Variants in GUCA1C observed in about 807,000 individuals in gnomAD.
The protein encoded by GUCA1C is guanylate cyclase activator 1C.
GUCA1C carries 15 observed loss-of-function variants against 16.2 expected under a neutral mutation model. The ratio of observed to expected loss-of-function variants is 0.93; its 90% CI spans 0.62 to 1.43. The LOEUF is 1.43. Among genes scored for constraint, GUCA1C ranks in the 40% most tolerant of loss-of-function variants. The probability of loss-of-function intolerance (pLI) is 0.00; values close to 1 mark genes in which losing one functional copy is unlikely to be tolerated. For synonymous variants in GUCA1C, 78 were observed against 85.4 expected, an observed-to-expected ratio of 0.91 and a Z score of 0.48; for missense variants, 275 against 244.8, an observed-to-expected ratio of 1.12 and a Z score of -0.82.
chr3:108,952,853 C>CT (rs1946908030), intron 1 of GUCA1C, among the ~76,000 whole-genome samples: 1 of 151,588 alleles, frequency 6.6e-6, no homozygotes, highest in South Asian at 2.1e-4. Flanking sequence ...CAGGTTGTTG[C>CT]TTTTTTGTCT....
chr3:108,929,444 A>C (rs13081121), intron 1 of GUCA1C, among the ~76,000 whole-genome samples: 3,863 of 152,172 alleles, frequency 0.025, 74 homozygotes, highest in Middle Eastern at 0.12. Context: ...AATTTTATAT[A>C]CTTTTCTTGT....
chr3:108,944,346 T>A (rs1946822090), intron 1 of GUCA1C, among the ~76,000 whole-genome samples: 1 of 151,752 alleles, frequency 6.6e-6, no homozygotes, highest in Non-Finnish European at 1.5e-5. Context: ...AGCTAGAGAA[T>A]CTGGGAGTGG....
intron 1 of GUCA1C, among the ~76,000 whole-genome samples, chr3:108,945,055 C>T (rs1275408634): frequency 1.3e-5 from 2 of 152,230 alleles, no homozygotes; most frequent in Non-Finnish European, 2.9e-5. Flanking sequence ...GAAGGAAGTT[C>T]CACTCTGTGC....
At chr3:108,930,412 T>C (rs1946656793) in intron 1 of GUCA1C, among the ~76,000 whole-genome samples, 1 of 152,230 alleles carries the variant, frequency 6.6e-6, no homozygotes, top group Admixed American at 6.5e-5. Context: ...CAACCAATAG[T>C]TCTGAATTGG....
intron 1 of GUCA1C, among the ~76,000 whole-genome samples, chr3:108,929,325 G>A (rs1380261055): frequency 6.6e-6 from 1 of 152,080 alleles, no homozygotes; most frequent in East Asian, 1.9e-4. Context: ...TAGGAGGTTT[G>A]TCTTTTGTTT....
intron 1 of GUCA1C, among the ~76,000 whole-genome samples, chr3:108,922,843 C>A (rs913050249): frequency 1.3e-5 from 2 of 152,130 alleles, no homozygotes; most frequent in Admixed American, 1.3e-4. Flanking sequence ...CGCCGACAGG[C>A]CCCTCCCTGT....
At chr3:108,926,095 A>G (rs560192125) in intron 1 of GUCA1C, among the ~76,000 whole-genome samples, 1 of 152,086 alleles carries the variant, frequency 6.6e-6, no homozygotes, top group South Asian at 2.1e-4. Flanking sequence ...TCAAAAAAAA[A>G]AAATTGGGGA....
intron 1 of GUCA1C, among the ~76,000 whole-genome samples, chr3:108,940,547 T>C (rs567260805): frequency 4.1e-4 from 63 of 152,350 alleles, no homozygotes; most frequent in Non-Finnish European, 8.8e-4. Flanking sequence ...TTTCATGCCA[T>C]GATTGGCAGC....
intron 3 of GUCA1C, among the ~76,000 whole-genome samples, chr3:108,914,534 G>T (rs1025771111): frequency 6.6e-6 from 1 of 152,144 alleles, no homozygotes; most frequent in South Asian, 2.1e-4. Flanking sequence ...AGTGTTCATG[G>T]ATATTATTAA....
intron 3 of GUCA1C, among the ~76,000 whole-genome samples, chr3:108,914,251 T>C (rs1201398451): frequency 6.6e-6 from 1 of 152,162 alleles, no homozygotes; most frequent in Non-Finnish European, 1.5e-5. Flanking sequence ...ACAATTTCTC[T>C]TTTCTGAATT....
In GUCA1C at chr3:108,953,686, A is replaced by T. The variant is rs1163322165; in HGVS notation, c.77T>A (p.Phe26Tyr). 6.2e-7 allele frequency: 1 copy of T among 1,613,104 alleles called. No individual in the cohort carries two copies. Among genetic ancestry groups the T allele is most frequent in the South Asian group, 1.1e-5 (1 of 91,054 alleles). Residue 26 changes from phenylalanine (F) to tyrosine (Y), a missense_variant, in exon 1 of 4, where the codon TTT (phenylalanine) becomes TAT (tyrosine). Transcript: ENST00000261047. ...TQETHVWYRTFMMEYPSGLQT... is the reference protein window; with the variant it reads ...TQETHVWYRTYMMEYPSGLQT... ...CAGGCCGGATGGATATTCCATCATA[A>T]ATGTTCTGTACCACACATGGGTCTC... is the stretch of plus-strand genomic sequence containing the variant.
intron 1 of GUCA1C, among the ~76,000 whole-genome samples, chr3:108,943,307 G>T (rs566850207): frequency 2.0e-5 from 3 of 152,106 alleles, no homozygotes; most frequent in Non-Finnish European, 4.4e-5. Context: ...TTTGGCAATT[G>T]TAAGAGCAGA....
chr3:108,940,135 T>C (rs188942534), intron 1 of GUCA1C, among the ~76,000 whole-genome samples: 4 of 152,362 alleles, frequency 2.6e-5, no homozygotes, highest in South Asian at 2.1e-4. Flanking sequence ...TGATGTACTT[T>C]ATTATCACAA....
At chr3:108,951,158 T>C (rs1045500419) in intron 1 of GUCA1C, among the ~76,000 whole-genome samples, 1 of 151,782 alleles carries the variant, frequency 6.6e-6, no homozygotes, top group South Asian at 2.1e-4. Flanking sequence ...TGGGGAGATG[T>C]AGGTCAGAGG....
intron 1 of GUCA1C, among the ~76,000 whole-genome samples, chr3:108,948,356 T>G (rs1290565008): frequency 6.6e-6 from 1 of 152,190 alleles, no homozygotes; most frequent in Admixed American, 6.5e-5. Flanking sequence ...TGCTTCACCC[T>G]TCTATCATGA....
In GUCA1C at chr3:108,914,755, C is replaced by T. The variant is rs1050068348; in HGVS notation, c.442+1372G>A. Among the ~76,000 whole-genome samples the T allele has an allele frequency of 4.6e-5, 7 of 152,210 alleles. No individual in the cohort carries two copies. The East Asian group carries it at 7.7e-4, about 17-fold the overall frequency. ...AAACAGAATAAAATCTACAGCATTT[C>T]TCCAGTTCGATGACCACGATTTTCA... On this transcript the variant is annotated intron_variant, in intron 3 of 3. Transcript: ENST00000261047.
intron 1 of GUCA1C, among the ~76,000 whole-genome samples, chr3:108,932,348 A>AC (rs1946678174): frequency 2.0e-5 from 3 of 151,176 alleles, no homozygotes; most frequent in Admixed American, 2.0e-4. Flanking sequence ...AACAAAAAAA[A>AC]AAAACAGCAT....
intron 3 of GUCA1C, among the ~76,000 whole-genome samples, chr3:108,913,888 A>G (rs34948693): frequency 4.5e-4 from 68 of 152,112 alleles, no homozygotes; most frequent in Middle Eastern, 3.4e-3. Context: ...CAATATGGTG[A>G]AACCCCGTCT....
chr3:108,916,521 T>C (rs1478424549), intron 2 of GUCA1C, among the ~76,000 whole-genome samples: 1 of 152,170 alleles, frequency 6.6e-6, no homozygotes, highest in African/African-American at 2.4e-5. Context: ...GTCATGATCA[T>C]AAGAATTCCA....
Sources: allele counts gnomAD v4.1 joint callset (sites outside exome capture counted in the v4.1 genomes callset), GRCh38; gene constraint gnomAD v4.1.1; transcripts MANE v1.5; gene names NCBI Gene and HGNC (gene_info 2026-07-23, HGNC 2026-07-21).